TET2: variants seen among roughly 807,000 people sequenced by gnomAD.
TET2 encodes the protein tet methylcytosine dioxygenase 2, also known as methylcytosine dioxygenase TET2.
In TET2, 299 loss-of-function variants were observed where a neutral mutation model predicts 142.9. The observed-to-expected ratio is 2.09, with a 90% CI of 1.90 to 2.30. The LOEUF (loss-of-function observed/expected upper bound fraction) is 2.30, where lower values mean the gene tolerates loss of function less well. TET2 is among the 30% of genes most tolerant of loss of function. TET2 has a pLI of 0.00. For synonymous variants in TET2, 819 were observed against 849.0 expected (o/e 0.96, Z 0.61); for missense variants, 2,418 against 2,378.0 (o/e 1.02, Z -0.35).
In TET2 at chr4:105,259,787, T is replaced by G. The variant is rs1730333005; in HGVS notation, c.3954+18T>G. 6.5e-7 allele frequency: 1 copy of G among 1,546,448 alleles called. No individual in the cohort carries two copies. The highest frequency in any genetic ancestry group is 2.4e-5 in the East Asian group (1 of 40,870). The stretch of plus-strand genomic sequence containing the variant: ...CAAAAGAGGTTTGTTTACTTCCTGA[T>G]GTATAATCGCTTTATTTTTCATAGA... On this transcript the variant is annotated intron_variant, in intron 7 of 10. Transcript: ENST00000380013.
chr4:105,253,418 G>T (rs191847810), intron 6 of TET2, among the ~76,000 whole-genome samples: 1 of 151,944 alleles, frequency 6.6e-6, no homozygotes, highest in African/African-American at 2.4e-5. Flanking sequence ...TTCATTTGGG[G>T]GGGTGCTAAT....
In TET2 at chr4:105,235,573, G is replaced by A. The variant is rs1186716961; in HGVS notation, c.1631G>A (p.Arg544Gln). ...RNKEQEILKG[R>Q]DKEQTRDLVP... ...AAAGAGCAAGAGATTCTGAAGGGTC[G>A]AGACAAGGAGCAAACACGAGATCTT... The change falls in exon 3 of 11, where the codon CGA becomes CAA. Residue 544 changes from arginine to glutamine, a missense_variant. Coordinates refer to ENST00000380013, the MANE Select transcript of TET2 (RefSeq NM_001127208.3). 9.9e-6 allele frequency: 16 copies of A among 1,614,102 alleles called. No individual in the cohort carries two copies. The highest frequency in any genetic ancestry group is 1.1e-5 in the Non-Finnish European group (13 of 1,180,008).
chr4:105,273,513 C>A (rs1458409685), intron 10 of TET2, among the ~76,000 whole-genome samples: 2 of 151,878 alleles, frequency 1.3e-5, no homozygotes, highest in African/African-American at 4.8e-5. Flanking sequence ...TGGTTAGTAG[C>A]AAAGATATAG....
chr4:105,240,591 C>T, intron 3 of TET2: 1 of 1,079,852 alleles, frequency 9.3e-7, no homozygotes, highest in South Asian at 4.5e-5. Context: ...TACTGTCCCT[C>T]TTTGCGTGTG....
In TET2 at chr4:105,235,891, A is replaced by G; in HGVS notation, c.1949A>G (p.His650Arg). ...QGQSQGTVDQ[H>R]LQFQKPSHQV... ...CAGTCCCAAGGTACAGTGGACCAAC[A>G]TCTCCAGTTCCAAAAACCCTCACAC... The change falls in exon 3 of 11, where the codon CAT (histidine) becomes CGT (arginine). Residue 650 changes from histidine to arginine, a missense_variant. Transcript: ENST00000380013. 1 of 1,614,064 alleles carries G rather than the reference A, an allele frequency of 6.2e-7. No homozygotes were observed. Among genetic ancestry groups the G allele is most frequent in the Non-Finnish European group, 8.5e-7 (1 of 1,180,010 alleles).
chr4:105,275,183 A>G lies in TET2; in HGVS notation c.4673A>G (p.Asn1558Ser), dbSNP rs780036350. 13 of 1,551,852 alleles carry G rather than the reference A, an allele frequency of 8.4e-6. No homozygotes were observed. The highest frequency in any genetic ancestry group is 1.7e-4 in the Middle Eastern group (1 of 6,020). Residue 1558 changes from asparagine to serine, a missense_variant, in exon 11 of 11, where the codon AAC (asparagine) becomes AGC (serine). Coordinates refer to ENST00000380013, the MANE Select transcript of TET2 (RefSeq NM_001127208.3). ...CATCACCCTCAGACAGAGTCTGTCA[A>G]CTCTTATTCTGCTTCTGGATCCACC... ...QPHHPQTESV[N>S]SYSASGSTNP...
At chr4:105,229,792 A>G (rs1284083404) in intron 2 of TET2, among the ~76,000 whole-genome samples, 1 of 152,076 alleles carries the variant, frequency 6.6e-6, no homozygotes, top group East Asian at 1.9e-4. Flanking sequence ...TTATTTTACA[A>G]AGGTATAGGT....
intron 1 of TET2, among the ~76,000 whole-genome samples, chr4:105,152,325 G>A (rs1723344146): frequency 6.6e-6 from 1 of 152,066 alleles, no homozygotes; most frequent in South Asian, 2.1e-4. Context: ...GAATAAATTG[G>A]GATAAAGTGT....
chr4:105,235,872 C>T lies in TET2; in HGVS notation c.1930C>T (p.Gln644Ter), dbSNP rs752071309. 1.2e-6 allele frequency: 2 copies of T among 1,613,968 alleles called. No homozygotes were observed. Among genetic ancestry groups the T allele is most frequent in the Non-Finnish European group, 1.7e-6 (2 of 1,179,970 alleles). ...YQVEMNQGQS[Q>*]GTVDQHLQFQ... ...AGTTGAAATGAATCAAGGGCAGTCC[C>T]AAGGTACAGTGGACCAACATCTCCA... The change falls in exon 3 of 11, where the codon CAA becomes TAA. Residue 644 changes from glutamine (Q) to a stop codon, truncating the protein, a stop_gained. Transcript: ENST00000380013. LOFTEE classifies it high-confidence loss of function.
chr4:105,180,702 C>T (rs1001545727), intron 1 of TET2, among the ~76,000 whole-genome samples: 5 of 151,814 alleles, frequency 3.3e-5, no homozygotes, highest in African/African-American at 7.3e-5. Flanking sequence ...TGCAGAAGCA[C>T]GATCTTGCCT....
In TET2 at chr4:105,236,456, A is replaced by C. The variant is rs570947219; in HGVS notation, c.2514A>C (p.Thr838=). The change falls in exon 3 of 11, where the codon ACA becomes ACC. Residue 838 remains threonine, a synonymous_variant. Coordinates refer to ENST00000380013, the MANE Select transcript of TET2 (RefSeq NM_001127208.3). ...CKIQVSCSNN[T]HLVSENKEQT... ...TACAGGTTTCTTGTTCAAACAATAC[A>C]CACCTAGTTTCAGAGAATAAAGAAC... 9.3e-6 allele frequency: 15 copies of C among 1,613,984 alleles called. No individual in the cohort carries two copies. The highest frequency in any genetic ancestry group is 6.8e-6 in the Non-Finnish European group (8 of 1,180,022).
At chr4:105,209,097 A>ATATATATG (rs1727009298) in intron 2 of TET2, among the ~76,000 whole-genome samples, 1 of 119,128 alleles carries the variant, frequency 8.4e-6, no homozygotes, top group Non-Finnish European at 1.8e-5. Context: ...ATATATATAT[A>ATATATATG]TGTTTGAGCG....
At chr4:105,261,919 T>C (rs1730453921) in intron 8 of TET2, 71 bp downstream of exon 8, 1 of 879,604 alleles carries the variant, frequency 1.1e-6, no homozygotes, top group Non-Finnish European at 1.8e-6. Context: ...TCCAAAAATA[T>C]TTTTGAAACA....
chr4:105,237,108 G>C lies in TET2; in HGVS notation c.3166G>C (p.Val1056Leu), dbSNP rs1321143538. Residue 1056 changes from valine (V) to leucine (L), a missense_variant, in exon 3 of 11, where the codon GTT becomes CTT. By Grantham distance (32) the Val-to-Leu change is conservative. Transcript: ENST00000380013. ...TCTCAAATCACAGAAGCAAGTAAAA[G>C]TTGAAATGTCAGGGCCAGTCACAGT... ...LTLKSQKQVK[V>L]EMSGPVTVLT... 1 of 1,614,080 alleles carries C rather than the reference G, an allele frequency of 6.2e-7. No individual in the cohort carries two copies. Among genetic ancestry groups the C allele is most frequent in the Non-Finnish European group, 8.5e-7 (1 of 1,179,958 alleles).
intron 8 of TET2, among the ~76,000 whole-genome samples, chr4:105,265,381 T>A (rs1349834494): frequency 6.6e-6 from 1 of 152,234 alleles, no homozygotes; most frequent in Non-Finnish European, 1.5e-5. Context: ...CATTTAGAAT[T>A]GTCTTCCAGA....
intron 1 of TET2, among the ~76,000 whole-genome samples, chr4:105,174,609 T>G (rs1724671888): frequency 6.6e-6 from 1 of 152,122 alleles, no homozygotes; most frequent in Admixed American, 6.5e-5. Flanking sequence ...TAGGAAAACA[T>G]GAACTGTAAT....
chr4:105,246,877 T>C (rs528176501), intron 6 of TET2, among the ~76,000 whole-genome samples: 1 of 152,214 alleles, frequency 6.6e-6, no homozygotes, highest in African/African-American at 2.4e-5. Flanking sequence ...AAAAACTGAT[T>C]TTTACATTTC....
At position 105,235,237 on chromosome 4, in the gene TET2, A is replaced by AAGAACACCACCACTACCCCAACC; in HGVS notation, c.1297_1319dup (p.Ser441AsnfsTer14). On this transcript the variant is annotated frameshift_variant, in exon 3 of 11. Coordinates refer to ENST00000380013, the MANE Select transcript of TET2 (RefSeq NM_001127208.3). LOFTEE classifies it high-confidence loss of function. ...AGCACTCTGAATGGTGGAGTTTTAGAAGAACACCACCACTACCCCAACCAA... is the reference window on the plus strand; with the variant it reads ...AGCACTCTGAATGGTGGAGTTTTAGAAGAACACCACCACTACCCCAACCAGAACACCACCACTACCCCAACCAA... 1 of 1,613,874 alleles carries AAGAACACCACCACTACCCCAACC rather than the reference A, an allele frequency of 6.2e-7. No homozygotes were observed. Among genetic ancestry groups the AAGAACACCACCACTACCCCAACC allele is most frequent in the South Asian group, 1.1e-5 (1 of 90,904 alleles).
chr4:105,196,169 T>C (rs1302267826), intron 2 of TET2, among the ~76,000 whole-genome samples: 8 of 151,974 alleles, frequency 5.3e-5, no homozygotes, highest in Non-Finnish European at 1.2e-4. Context: ...TCTGTTCTTT[T>C]TTTTTTTTCT....
Sources: gnomAD v4.1 joint callset for allele counts (sites outside exome capture counted in the v4.1 genomes callset) on GRCh38, gnomAD v4.1.1 for gene constraint, MANE v1.5 for transcripts, NCBI Gene and HGNC (gene_info 2026-07-23, HGNC 2026-07-21) for gene names.